The following TEX14 variants were observed in gnomAD, a reference collection of about 807,000 sequenced individuals.
TEX14 encodes inactive serine/threonine-protein kinase TEX14.
In TEX14, 168 loss-of-function variants were observed where a neutral mutation model predicts 178.6. That is an observed-to-expected ratio of 0.94 (90% CI 0.83 to 1.07). TEX14 has a LOEUF of 1.07. TEX14 is among the 50% of genes least tolerant of loss of function. The probability of loss-of-function intolerance (pLI) is 0.00; values close to 1 mark genes in which losing one functional copy is unlikely to be tolerated. For missense variants in TEX14, 1,730 were observed against 1,753.6 expected, an observed-to-expected ratio of 0.99 and a Z score of 0.24; for synonymous variants, 626 against 634.1, an observed-to-expected ratio of 0.99 and a Z score of 0.19.
intron 1 of TEX14, among the ~76,000 whole-genome samples, chr17:58,656,691 T>C (rs976309943): frequency 3.3e-5 from 5 of 150,586 alleles, no homozygotes; most frequent in Non-Finnish European, 7.4e-5. Context: ...GAGGCAGAGG[T>C]TGCAGTGAGC....
rs535356856 is a variant in TEX14, at chr17:58,581,230, G to C, written c.3172-1499C>G. On this transcript the variant is annotated intron_variant, in intron 19 of 31. Transcript: ENST00000349033. ...GGAGGCTGAGGCAGGAGAATCGCTTGAACCCGGGAGGCAGAGGATGCGGTG... is the reference window on the plus strand; with the variant it reads ...GGAGGCTGAGGCAGGAGAATCGCTTCAACCCGGGAGGCAGAGGATGCGGTG... Among the ~76,000 whole-genome samples the C allele has an allele frequency of 2.0e-5, 3 of 151,740 alleles. No homozygotes were observed. The South Asian group carries it at 6.3e-4, about 32-fold the overall frequency.
intron 27 of TEX14, 139 bp downstream of exon 27, chr17:58,565,608 G>A (rs2044380139): frequency 3.3e-6 from 2 of 601,950 alleles, no homozygotes; most frequent in South Asian, 4.4e-5. Context: ...AAAACAGCTT[G>A]CCATACAAAT....
intron 27 of TEX14, 38 bp downstream of exon 27, chr17:58,565,709 A>G: frequency 6.6e-7 from 1 of 1,512,900 alleles, no homozygotes; most frequent in Non-Finnish European, 9.1e-7. Context: ...GACAGCGTTA[A>G]AAGAACCTGA....
In TEX14 at chr17:58,658,387, C is replaced by CTTT. The variant is rs34857563; in HGVS notation, c.-1-6388_-1-6386dup. 1.3e-3 allele frequency among the ~76,000 whole-genome samples: 126 copies of CTTT among 95,016 alleles called. 3 individuals carry two copies. Among genetic ancestry groups the CTTT allele is most frequent in the East Asian group, 3.9e-3 (12 of 3,052 alleles). 62.3% of individuals were successfully genotyped at this position (95,016 alleles called of 152,430 possible). On this transcript the variant is annotated intron_variant, in intron 1 of 31. Coordinates refer to ENST00000349033, the MANE Select transcript of TEX14 (RefSeq NM_031272.5). ...CCAGTGTGTACCACCTGTGCACCGG[C>CTTT]TTTTTTTTTTTTTTTTTTTTTTGAG... is the stretch of plus-strand genomic sequence containing the variant.
chr17:58,610,368 C>A (rs1318772190), intron 10 of TEX14, among the ~76,000 whole-genome samples: 3 of 152,194 alleles, frequency 2.0e-5, no homozygotes, highest in Non-Finnish European at 4.4e-5. Context: ...CTGGCCACTG[C>A]AATGTGGGAG....
At chr17:58,682,006 G>A (rs2047508493) in intron 1 of TEX14, among the ~76,000 whole-genome samples, 1 of 152,174 alleles carries the variant, frequency 6.6e-6, no homozygotes, top group Admixed American at 6.5e-5. Context: ...GCCTTCTTCA[G>A]GCTAGAGTGC....
At chr17:58,584,861 T>C (rs1187800315) in intron 18 of TEX14, among the ~76,000 whole-genome samples, 6 of 152,168 alleles carry the variant, frequency 3.9e-5, no homozygotes, top group African/African-American at 1.2e-4. Context: ...CCCAAGCCAA[T>C]AGATTTTCTG....
chr17:58,660,601 G>T (rs1397472034), intron 1 of TEX14: 2 of 795,626 alleles, frequency 2.5e-6, no homozygotes, highest in South Asian at 2.7e-5. Flanking sequence ...GTCGGTTGCC[G>T]TAGCCCCTAG....
intron 5 of TEX14, 95 bp downstream of exon 5, chr17:58,621,555 T>G: frequency 2.3e-6 from 3 of 1,311,578 alleles, no homozygotes; most frequent in Non-Finnish European, 3.2e-6. Context: ...CAGAGGGCAC[T>G]GATGTGGAGG....
chr17:58,591,154 G>A (rs1271692911), intron 15 of TEX14, among the ~76,000 whole-genome samples: 2 of 152,158 alleles, frequency 1.3e-5, no homozygotes, highest in Non-Finnish European at 2.9e-5. Context: ...TCAGTGGTGT[G>A]AGTGCCAAAC....
intron 1 of TEX14, 132 bp from the exon 2 acceptor site, chr17:58,652,134 A>G: frequency 1.5e-6 from 1 of 646,722 alleles, no homozygotes; most frequent in Non-Finnish European, 2.5e-6. Flanking sequence ...TAATTATTGA[A>G]ACTCTATGAG....
intron 21 of TEX14, among the ~76,000 whole-genome samples, chr17:58,575,355 A>G (rs902020259): frequency 5.3e-5 from 8 of 152,208 alleles, no homozygotes; most frequent in African/African-American, 1.9e-4. Context: ...ACCTCAGGTG[A>G]TCTGCCTGCC....
In TEX14 at chr17:58,625,163, G is replaced by A. The variant is rs187539446; in HGVS notation, c.252-2151C>T. ...TTTTCTTTTTTTGAGACGAAGTCTC[G>A]CTCTTGTCCCCCAGGCTGCAGTACA... On this transcript the variant is annotated intron_variant, in intron 3 of 31. Coordinates refer to ENST00000349033, the MANE Select transcript of TEX14 (RefSeq NM_031272.5). Among the ~76,000 whole-genome samples the A allele has an allele frequency of 1.9e-3, 286 of 150,458 alleles. 3 individuals carry two copies. The highest frequency in any genetic ancestry group is 1.2e-3 in the Non-Finnish European group (82 of 67,786).
At chr17:58,583,685 G>A (rs951589492) in intron 19 of TEX14, among the ~76,000 whole-genome samples, 3 of 152,016 alleles carry the variant, frequency 2.0e-5, no homozygotes, top group South Asian at 2.1e-4. Flanking sequence ...AACTGAATTC[G>A]TCCTGGCCTC....
At chr17:58,672,105 C>T (rs1203224007) in intron 1 of TEX14, among the ~76,000 whole-genome samples, 1 of 152,282 alleles carries the variant, frequency 6.6e-6, no homozygotes, top group African/African-American at 2.4e-5. Context: ...AGTGTGCAAC[C>T]TAGATCCCTG....
chr17:58,684,272 A>G (rs924293762), intron 1 of TEX14, among the ~76,000 whole-genome samples: 4 of 148,134 alleles, frequency 2.7e-5, no homozygotes, highest in African/African-American at 1.0e-4. Flanking sequence ...GACCAGCCTG[A>G]CCAATATGAT....
chr17:58,621,504 C>T (rs2045995738), intron 5 of TEX14, 146 bp downstream of exon 5: 13 of 768,668 alleles, frequency 1.7e-5, no homozygotes, highest in Non-Finnish European at 2.6e-5. Flanking sequence ...CAAGGCCAAG[C>T]CTTTTCTTTC....
chr17:58,560,063 G>A (rs948052661), intron 29 of TEX14, among the ~76,000 whole-genome samples: 2 of 152,248 alleles, frequency 1.3e-5, no homozygotes, highest in Middle Eastern at 3.4e-3. Context: ...GACCATGTTT[G>A]TCAATCTATT....
At chr17:58,651,720 T>A (rs894610790) in intron 2 of TEX14, 146 bp downstream of exon 2, 6 of 726,862 alleles carry the variant, frequency 8.3e-6, no homozygotes, top group Non-Finnish European at 1.1e-5. Flanking sequence ...CTCTCTTGAC[T>A]GCACTGCTAG....
Sources: gnomAD v4.1 joint callset for allele counts (sites outside exome capture counted in the v4.1 genomes callset) on GRCh38, gnomAD v4.1.1 for gene constraint, MANE v1.5 for transcripts, NCBI Gene and HGNC (gene_info 2026-07-23, HGNC 2026-07-21) for gene names.